The following AP4S1 variants were observed in gnomAD, a reference collection of about 807,000 sequenced individuals.
AP4S1 encodes the protein adaptor related protein complex 4 subunit sigma 1.
AP4S1 carries 23 observed loss-of-function variants against 19.8 expected under a neutral mutation model. The ratio of observed to expected loss-of-function variants is 1.16; its 90% confidence interval spans 0.84 to 1.65. AP4S1 has a LOEUF of 1.65. AP4S1 is among the 40% of genes most tolerant of loss of function. AP4S1 has a pLI of 0.00. For missense variants in AP4S1, 166 were observed against 172.8 expected, an observed-to-expected ratio of 0.96 and a Z score of 0.22; for synonymous variants, 46 against 54.1, an observed-to-expected ratio of 0.85 and a Z score of 0.66.
chr14:31,067,886 T>C (rs1027806300), intron 2 of AP4S1, among the ~76,000 whole-genome samples: 11 of 151,678 alleles, frequency 7.3e-5, no homozygotes, highest in Non-Finnish European at 1.2e-4. Context: ...ATTTTTTTTT[T>C]TTGAGACAGA....
At position 31,080,739 on chromosome 14, in the gene AP4S1, A is replaced by C. The variant is rs1566543781; in HGVS notation, c.306+155A>C. 4.7e-6 allele frequency: 5 copies of C among 1,059,506 alleles called. No homozygotes were observed. In the Admixed American group the frequency reaches 8.7e-5, roughly 18 times the overall value. 65.6% of individuals were successfully genotyped at this position (1,059,506 alleles called of 1,614,324 possible). A position where few individuals can be genotyped will look rare whatever the true frequency, so the allele number is the denominator to read the frequency against. ...ACAGCCAGAGGTGTGTGTGTTCTGC[A>C]GAACTCCTCCCCAACTTCGTCACCC... On this transcript the variant is annotated intron_variant, in intron 5 of 5. Coordinates refer to ENST00000542754, the MANE Select transcript of AP4S1 (RefSeq NM_001128126.3).
chr14:31,073,114 C>G (rs1441698824), intron 4 of AP4S1, 141 bp downstream of exon 4: 1 of 710,174 alleles, frequency 1.4e-6, no homozygotes, highest in African/African-American at 1.8e-5. Flanking sequence ...GCCAAATTTT[C>G]TTTATCTTTC....
chr14:31,075,875 G>A (rs1212348479), intron 4 of AP4S1, among the ~76,000 whole-genome samples: 1 of 151,962 alleles, frequency 6.6e-6, no homozygotes, highest in Non-Finnish European at 1.5e-5. Context: ...GAGTAGCTGG[G>A]ATTACAGGCA....
chr14:31,053,985 A>G (rs1347058076), intron 1 of AP4S1, among the ~76,000 whole-genome samples: 13 of 152,328 alleles, frequency 8.5e-5, no homozygotes, highest in African/African-American at 2.9e-4. Flanking sequence ...TCAGGGCAGG[A>G]ACAGGATATG....
chr14:31,044,903 A>G (rs1193314950), intron 1 of AP4S1, among the ~76,000 whole-genome samples: 3 of 151,356 alleles, frequency 2.0e-5, no homozygotes, highest in Admixed American at 2.0e-4. Context: ...TACGTTTTCT[A>G]TAATTTTTTT....
At chr14:31,030,022 C>T (rs1283136677) in intron 1 of AP4S1, among the ~76,000 whole-genome samples, 2 of 151,664 alleles carry the variant, frequency 1.3e-5, no homozygotes, top group African/African-American at 2.4e-5. Flanking sequence ...ACTCTGTCAC[C>T]CAGGCTGGAG....
Position 31,025,773 on chromosome 14 carries a change from A to G in AP4S1, c.-86A>G. On this transcript the variant is annotated 5_prime_UTR_variant, in exon 1 of 6. Coordinates refer to ENST00000542754, the MANE Select transcript of AP4S1 (RefSeq NM_001128126.3). The stretch of plus-strand genomic sequence containing the variant: ...AAAAGCCGTTGAGAGGACCATCACA[A>G]CCTGAGCAGCACAGGTAGGTTCCGC... 1 of 1,298,196 alleles carries G rather than the reference A, an allele frequency of 7.7e-7. No homozygotes were observed. The highest frequency in any genetic ancestry group is 1.4e-5 in the South Asian group (1 of 70,248). The allele number at this position is 1,298,196 out of a possible 1,614,324, so 80.4% of individuals were successfully genotyped here.
chr14:31,074,790 CAAAG>C lies in AP4S1; in HGVS notation c.294+1821_294+1824del, dbSNP rs565495754. 2.4e-3 allele frequency among the ~76,000 whole-genome samples: 367 copies of C among 151,576 alleles called. 3 individuals carry two copies. Among genetic ancestry groups the C allele is most frequent in the Non-Finnish European group, 2.8e-3 (190 of 67,888 alleles). ...GATGTTAGGAAATTTCATCACCTGA[CAAAG>C]AAACGTACCCATTAGCATTTCCCCC... On this transcript the variant is annotated intron_variant, in intron 4 of 5. Coordinates refer to ENST00000542754, the MANE Select transcript of AP4S1 (RefSeq NM_001128126.3).
chr14:31,083,350 A>G (rs1887752888), intron 5 of AP4S1: 1 of 407,386 alleles, frequency 2.5e-6, no homozygotes, highest in Non-Finnish European at 4.8e-6. Context: ...TAGGAATTTT[A>G]CATCATTTAG....
chr14:31,067,942 T>C (rs1224833691), intron 2 of AP4S1, among the ~76,000 whole-genome samples: 1 of 151,588 alleles, frequency 6.6e-6, no homozygotes, highest in East Asian at 2.0e-4. Context: ...GATCTTGGCT[T>C]ACCACAACAT....
intron 4 of AP4S1, among the ~76,000 whole-genome samples, 156 bp from the exon 5 acceptor site, chr14:31,080,417 G>A (rs1405634213): frequency 6.6e-6 from 1 of 152,134 alleles, no homozygotes; most frequent in Admixed American, 6.6e-5. Flanking sequence ...CAAACTTAGG[G>A]CCTTGGCAGA....
At chr14:31,085,884 G>T (rs1330959318) in intron 5 of AP4S1, 1 of 971,054 alleles carries the variant, frequency 1.0e-6, no homozygotes, top group African/African-American at 1.8e-5. Flanking sequence ...TGGGTTGTGT[G>T]AAAAAACCCT....
intron 1 of AP4S1, chr14:31,026,002 G>T: frequency 6.4e-7 from 1 of 1,556,172 alleles, no homozygotes. Flanking sequence ...ATAGTGTACT[G>T]CTGCGGCCGG....
chr14:31,026,088 C>T lies in AP4S1; in HGVS notation c.-72+301C>T. 6.5e-7 allele frequency: 1 copy of T among 1,529,206 alleles called. No homozygotes were observed. The highest frequency in any genetic ancestry group is 8.8e-7 in the Non-Finnish European group (1 of 1,138,756). The allele number at this position is 1,529,206 out of a possible 1,614,324, so 94.7% of individuals were successfully genotyped here. ...CCCGCCGCCCGCCGCTCCGTTCCCC[C>T]CGGGCGAAAGGCCCAGGTTCCCCCC... On this transcript the variant is annotated intron_variant, in intron 1 of 5. Coordinates refer to ENST00000542754, the MANE Select transcript of AP4S1 (RefSeq NM_001128126.3).
At chr14:31,027,588 G>A (rs984563214) in intron 1 of AP4S1, among the ~76,000 whole-genome samples, 3 of 152,186 alleles carry the variant, frequency 2.0e-5, no homozygotes, top group Non-Finnish European at 4.4e-5. Context: ...CTTGAGCCCA[G>A]GAGGCTGAGG....
At chr14:31,048,646 G>C (rs1467280307) in intron 1 of AP4S1, among the ~76,000 whole-genome samples, 2 of 152,044 alleles carry the variant, frequency 1.3e-5, no homozygotes, top group Non-Finnish European at 2.9e-5. Context: ...GGCTGAGGGA[G>C]GAGAATCACA....
At chr14:31,085,198 A>G in intron 5 of AP4S1, 2 of 1,107,456 alleles carry the variant, frequency 1.8e-6, no homozygotes, top group South Asian at 3.0e-5. Context: ...CTACTGCTTG[A>G]CCATCCTCTG....
intron 1 of AP4S1, among the ~76,000 whole-genome samples, chr14:31,049,146 G>A (rs1885589278): frequency 6.6e-6 from 1 of 151,794 alleles, no homozygotes; most frequent in African/African-American, 2.4e-5. Context: ...GGGCGTGGTG[G>A]CTCACGCCTG....
At chr14:31,082,829 G>A (rs537028018) in intron 5 of AP4S1, among the ~76,000 whole-genome samples, 1 of 151,998 alleles carries the variant, frequency 6.6e-6, no homozygotes, top group East Asian at 1.9e-4. Flanking sequence ...CCGGGAGGCG[G>A]AGCTTGCAGT....
Sources: gnomAD v4.1 joint callset for allele counts (sites outside exome capture counted in the v4.1 genomes callset) on GRCh38, gnomAD v4.1.1 for gene constraint, MANE v1.5 for transcripts, NCBI Gene and HGNC (gene_info 2026-07-23, HGNC 2026-07-21) for gene names.